The following LEPR variants were observed in gnomAD, a reference collection of about 807,000 sequenced individuals.
LEPR encodes the protein leptin receptor.
A neutral mutation model predicts 114.7 loss-of-function variants in LEPR; 56 were observed. That is an observed-to-expected ratio of 0.49 (90% CI 0.39 to 0.61). The LOEUF (loss-of-function observed/expected upper bound fraction) is 0.61, where lower values mean the gene tolerates loss of function less well. Ranked by LOEUF, LEPR falls within the 20% of genes least tolerant of loss-of-function variation. The pLI, the probability that LEPR is intolerant of heterozygous loss-of-function variation, is 0.00. For synonymous variants in LEPR, 443 were observed against 461.4 expected, an observed-to-expected ratio of 0.96 and a Z score of 0.51; for missense variants, 1,202 against 1,352.9, an observed-to-expected ratio of 0.89 and a Z score of 1.75.
In LEPR at chr1:65,466,409, G is replaced by T. The variant is rs182256287; in HGVS notation, c.-21+41031G>T. 1.5e-3 allele frequency among the ~76,000 whole-genome samples: 231 copies of T among 152,258 alleles called. 3 individuals carry two copies. The highest frequency in any genetic ancestry group is 5.2e-3 in the African/African-American group (217 of 41,558). On this transcript the variant is annotated intron_variant, in intron 2 of 19. Transcript: ENST00000349533. ...CGAGAGATCCGCTGTTAGTCTGATG[G>T]GCTTCTCTTTGTGGGTAGCCTGACC...
At chr1:65,522,015 TG>T (rs905981113) in intron 2 of LEPR, among the ~76,000 whole-genome samples, 2 of 152,166 alleles carry the variant, frequency 1.3e-5, no homozygotes, top group African/African-American at 4.8e-5. Context: ...TATGCATTTT[TG>T]AATGCAAATT....
At chr1:65,517,131 T>C (rs1232662057) in intron 2 of LEPR, among the ~76,000 whole-genome samples, 1 of 152,230 alleles carries the variant, frequency 6.6e-6, no homozygotes, top group Non-Finnish European at 1.5e-5. Context: ...ACAAATGGGA[T>C]ACGGTGTATA....
At chr1:65,514,358 C>T (rs1649179572) in intron 2 of LEPR, among the ~76,000 whole-genome samples, 1 of 152,000 alleles carries the variant, frequency 6.6e-6, no homozygotes, top group South Asian at 2.1e-4. Context: ...AACTGGGCAG[C>T]CCCAGGCCTG....
At chr1:65,614,652 G>A (rs555947676) in intron 14 of LEPR, among the ~76,000 whole-genome samples, 2 of 152,280 alleles carry the variant, frequency 1.3e-5, no homozygotes, top group South Asian at 4.1e-4. Flanking sequence ...CTGTTGGATT[G>A]GGAGGTTACA....
At chr1:65,431,909 A>T (rs1027485490) in intron 2 of LEPR, 1 of 1,613,838 alleles carries the variant, frequency 6.2e-7, no homozygotes, top group Non-Finnish European at 8.5e-7. Flanking sequence ...TTTAGCTGGG[A>T]GCAGTGGTAG....
intron 6 of LEPR, among the ~76,000 whole-genome samples, chr1:65,594,244 A>G (rs764418097): frequency 6.6e-6 from 1 of 152,072 alleles, no homozygotes; most frequent in Non-Finnish European, 1.5e-5. Flanking sequence ...AGCAGGAAGA[A>G]CAATATTCAC....
chr1:65,573,873 A>G (rs1315950359), intron 5 of LEPR, among the ~76,000 whole-genome samples: 1 of 152,202 alleles, frequency 6.6e-6, no homozygotes, highest in Non-Finnish European at 1.5e-5. Flanking sequence ...ATTTCATGTC[A>G]TTGCACTGTA....
At chr1:65,635,759 T>C (rs1044149211) in intron 19 of LEPR, among the ~76,000 whole-genome samples, 7 of 152,210 alleles carry the variant, frequency 4.6e-5, no homozygotes, top group African/African-American at 1.7e-4. Context: ...TTTTAGTTTA[T>C]GGGAATGTAA....
chr1:65,468,537 AAG>A (rs1647043855), intron 2 of LEPR, among the ~76,000 whole-genome samples: 1 of 152,308 alleles, frequency 6.6e-6, no homozygotes, highest in South Asian at 2.1e-4. Context: ...CCTTGGAAAA[AAG>A]AGAGTTGAGG....
At chr1:65,555,356 A>C (rs545664359) in intron 2 of LEPR, among the ~76,000 whole-genome samples, 1 of 152,228 alleles carries the variant, frequency 6.6e-6, no homozygotes, top group Non-Finnish European at 1.5e-5. Context: ...CACCTGGATG[A>C]ATGGTTCTCC....
intron 2 of LEPR, among the ~76,000 whole-genome samples, chr1:65,447,811 A>G (rs1319074635): frequency 2.0e-5 from 3 of 152,070 alleles, no homozygotes; most frequent in Non-Finnish European, 4.4e-5. Context: ...AAAGTGCTGT[A>G]TTGTGTTTTT....
intron 15 of LEPR, among the ~76,000 whole-genome samples, chr1:65,616,848 G>T (rs1482825192): frequency 1.3e-5 from 2 of 152,044 alleles, no homozygotes; most frequent in African/African-American, 2.4e-5. Context: ...CAAATTTTCT[G>T]TGTCTCTACC....
At chr1:65,529,364 T>A (rs1159759754) in intron 2 of LEPR, among the ~76,000 whole-genome samples, 1 of 151,662 alleles carries the variant, frequency 6.6e-6, no homozygotes, top group Non-Finnish European at 1.5e-5. Flanking sequence ...ACTAAAAATA[T>A]AAAAAAATTT....
At chr1:65,514,440 C>T (rs72923210) in intron 2 of LEPR, among the ~76,000 whole-genome samples, 1 of 152,286 alleles carries the variant, frequency 6.6e-6, no homozygotes, top group African/African-American at 2.4e-5. Flanking sequence ...TAGATATTTT[C>T]AAATAGCTGT....
chr1:65,553,414 C>T (rs948433485), intron 2 of LEPR, among the ~76,000 whole-genome samples: 1 of 152,042 alleles, frequency 6.6e-6, no homozygotes, highest in African/African-American at 2.4e-5. Flanking sequence ...TAGTTCATTT[C>T]TTTGCATTCT....
At chr1:65,475,716 T>C (rs1471811824) in intron 2 of LEPR, among the ~76,000 whole-genome samples, 1 of 152,124 alleles carries the variant, frequency 6.6e-6, no homozygotes, top group East Asian at 1.9e-4. Flanking sequence ...CAGATATTTG[T>C]AATAAAAATT....
chr1:65,590,178 T>A (rs1391031900), intron 5 of LEPR, among the ~76,000 whole-genome samples: 1 of 149,720 alleles, frequency 6.7e-6, no homozygotes, highest in African/African-American at 2.5e-5. Flanking sequence ...ATTTTTGATG[T>A]TATTGTAAAT....
intron 2 of LEPR, among the ~76,000 whole-genome samples, chr1:65,501,391 T>C (rs572876900): frequency 2.0e-5 from 3 of 151,652 alleles, no homozygotes; most frequent in African/African-American, 7.2e-5. Flanking sequence ...TCCATTTTCA[T>C]GTGGCTGTCT....
At chr1:65,559,716 T>C (rs1203783464) in intron 2 of LEPR, among the ~76,000 whole-genome samples, 1 of 135,088 alleles carries the variant, frequency 7.4e-6, no homozygotes, top group Non-Finnish European at 1.6e-5. Context: ...CCATCTTGAA[T>C]TGATTTTTGT....
Sources: gnomAD v4.1 joint callset for allele counts (sites outside exome capture counted in the v4.1 genomes callset) on GRCh38, gnomAD v4.1.1 for gene constraint, MANE v1.5 for transcripts, NCBI Gene and HGNC (gene_info 2026-07-23, HGNC 2026-07-21) for gene names.